FHIT: variants seen among roughly 807,000 people sequenced by gnomAD.
FHIT encodes bis(5'-adenosyl)-triphosphatase.
Under a neutral mutation model 17.9 loss-of-function variants are expected in FHIT, and 19 were observed. The observed-to-expected ratio is 1.06, with a 90% CI of 0.74 to 1.56. The LOEUF (loss-of-function observed/expected upper bound fraction) is 1.56. Ranked by LOEUF, FHIT falls within the 40% of genes most tolerant of loss-of-function variation. The probability of loss-of-function intolerance (pLI) is 0.00; values close to 1 mark genes in which losing one functional copy is unlikely to be tolerated. For missense variants in FHIT, 248 were observed against 189.2 expected, an observed-to-expected ratio of 1.31 and a Z score of -1.82; for synonymous variants, 81 against 69.7, an observed-to-expected ratio of 1.16 and a Z score of -0.81.
intron 8 of FHIT, among the ~76,000 whole-genome samples, chr3:59,782,395 G>A (rs1467111051): frequency 6.6e-6 from 1 of 152,154 alleles, no homozygotes; most frequent in Non-Finnish European, 1.5e-5. Context: ...TGACATGAAA[G>A]TACAACTCAT....
At chr3:61,250,730 T>C (rs1001877087) in intron 1 of FHIT, among the ~76,000 whole-genome samples, 9 of 151,624 alleles carry the variant, frequency 5.9e-5, no homozygotes, top group East Asian at 1.9e-4. Flanking sequence ...ATAAAATAAG[T>C]GTAAGAAAGT....
chr3:60,710,048 A>G (rs2041478240), intron 4 of FHIT, among the ~76,000 whole-genome samples: 1 of 149,796 alleles, frequency 6.7e-6, no homozygotes, highest in South Asian at 2.1e-4. Flanking sequence ...CTTTCTGCAT[A>G]CTTCCCATTT....
At chr3:59,912,105 T>C (rs1160231017) in intron 8 of FHIT, among the ~76,000 whole-genome samples, 2 of 152,238 alleles carry the variant, frequency 1.3e-5, no homozygotes, top group Non-Finnish European at 2.9e-5. Flanking sequence ...TGGAGATAAA[T>C]GTACCTTAAT....
chr3:60,615,587 A>C (rs1277326746), intron 4 of FHIT, among the ~76,000 whole-genome samples: 1 of 152,240 alleles, frequency 6.6e-6, no homozygotes, highest in Admixed American at 6.5e-5. Flanking sequence ...TACATTGATC[A>C]TAACAGTACT....
rs528442751 is a variant in FHIT at position 61,106,168 on chromosome 3, G to T, written c.-163-64069C>A. Among the ~76,000 whole-genome samples the T allele has an allele frequency of 2.0e-5, 3 of 152,214 alleles. No homozygotes were observed. In the East Asian group the frequency reaches 5.8e-4, roughly 29 times the overall value. On this transcript the variant is annotated intron_variant, in intron 2 of 9. Coordinates refer to ENST00000492590, the MANE Select transcript of FHIT (RefSeq NM_002012.4). ...CATCAGGCACTTAGTTGAGGGTCAG[G>T]CACATATAAGGGCTTTAAAGAGCTA... is the stretch of plus-strand genomic sequence containing the variant.
At chr3:59,900,993 G>C (rs1704303442) in intron 8 of FHIT, among the ~76,000 whole-genome samples, 1 of 152,178 alleles carries the variant, frequency 6.6e-6, no homozygotes, top group Non-Finnish European at 1.5e-5. Context: ...CCAAGTGTAT[G>C]ACCAACAGGA....
chr3:61,005,218 T>A (rs984423785), intron 3 of FHIT, among the ~76,000 whole-genome samples: 1 of 152,252 alleles, frequency 6.6e-6, no homozygotes, highest in African/African-American at 2.4e-5. Flanking sequence ...GTCAAATTCC[T>A]AAGCTAATGA....
intron 7 of FHIT, among the ~76,000 whole-genome samples, chr3:59,942,529 T>C (rs959258006): frequency 3.9e-5 from 6 of 152,198 alleles, no homozygotes; most frequent in Non-Finnish European, 8.8e-5. Flanking sequence ...CAAAACAAAA[T>C]GGCAGTTTTC....
At chr3:60,291,591 A>G (rs1157582249) in intron 5 of FHIT, among the ~76,000 whole-genome samples, 3 of 152,152 alleles carry the variant, frequency 2.0e-5, no homozygotes, top group Admixed American at 2.0e-4. Context: ...TCGATTTTTC[A>G]GGCTGCTCTT....
chr3:60,395,967 T>C (rs1701424104), intron 5 of FHIT, among the ~76,000 whole-genome samples: 1 of 152,090 alleles, frequency 6.6e-6, no homozygotes, highest in African/African-American at 2.4e-5. Flanking sequence ...GTAAATAATG[T>C]CAACTCCACA....
chr3:61,097,575 A>G (rs2035681391), intron 2 of FHIT, among the ~76,000 whole-genome samples: 1 of 152,150 alleles, frequency 6.6e-6, no homozygotes, highest in Non-Finnish European at 1.5e-5. Context: ...CCAACAGTGC[A>G]TAAGCATTCC....
At chr3:59,951,004 G>A (rs954449554) in intron 7 of FHIT, among the ~76,000 whole-genome samples, 6 of 152,182 alleles carry the variant, frequency 3.9e-5, no homozygotes, top group African/African-American at 1.4e-4. Flanking sequence ...AATGGCAGCA[G>A]GAGCCCTTGC....
chr3:60,887,682 G>T (rs782272934), intron 3 of FHIT, among the ~76,000 whole-genome samples: 2 of 152,038 alleles, frequency 1.3e-5, no homozygotes, highest in Non-Finnish European at 2.9e-5. Context: ...AAATAATTTT[G>T]AAATTTTAAG....
chr3:60,491,680 T>G (rs7646323), intron 5 of FHIT, among the ~76,000 whole-genome samples: 70,085 of 151,984 alleles, frequency 0.46, 17,117 homozygotes, highest in African/African-American at 0.61. Context: ...TCGTTCTGTA[T>G]GATATTTTAA....
chr3:60,411,774 A>G (rs566620611), intron 5 of FHIT, among the ~76,000 whole-genome samples: 1 of 152,288 alleles, frequency 6.6e-6, no homozygotes, highest in African/African-American at 2.4e-5. Flanking sequence ...TGGACAAAAT[A>G]CAAAAGATGT....
intron 5 of FHIT, among the ~76,000 whole-genome samples, chr3:60,525,264 T>A (rs891059983): frequency 2.0e-5 from 3 of 152,194 alleles, no homozygotes; most frequent in African/African-American, 7.2e-5. Context: ...GAACCTGATA[T>A]ACAGATCTTC....
intron 3 of FHIT, among the ~76,000 whole-genome samples, chr3:60,910,827 C>T (rs901333381): frequency 6.6e-6 from 1 of 152,154 alleles, no homozygotes; most frequent in African/African-American, 2.4e-5. Flanking sequence ...CTGGGAGAGA[C>T]AGTTGTGAAG....
intron 7 of FHIT, among the ~76,000 whole-genome samples, chr3:59,929,976 A>AG (rs956407927): frequency 3.2e-4 from 48 of 152,212 alleles, no homozygotes; most frequent in African/African-American, 1.1e-3. Flanking sequence ...GAAGGAAACA[A>AG]GAAAGGAAAG....
At position 60,889,719 on chromosome 3, in the gene FHIT, G is replaced by A. The variant is rs1299875916; in HGVS notation, c.-110-67708C>T. ...TGTATATGCAGCCATTCCTCAATAGGCTCAAAATAAATATTGACAGAAATA... is the reference window on the plus strand; with the variant it reads ...TGTATATGCAGCCATTCCTCAATAGACTCAAAATAAATATTGACAGAAATA... On this transcript the variant is annotated intron_variant, in intron 3 of 9. Coordinates refer to ENST00000492590, the MANE Select transcript of FHIT (RefSeq NM_002012.4). Among the ~76,000 whole-genome samples the A allele has an allele frequency of 2.0e-5, 3 of 152,060 alleles. No individual in the cohort carries two copies. The East Asian group carries it at 5.8e-4, about 29-fold the overall frequency.
Sources: allele counts gnomAD v4.1 joint callset (sites outside exome capture counted in the v4.1 genomes callset), GRCh38; gene constraint gnomAD v4.1.1; transcripts MANE v1.5; gene names NCBI Gene and HGNC (gene_info 2026-07-23, HGNC 2026-07-21).